Variants in DMD observed in about 807,000 individuals in gnomAD.
DMD encodes the protein mutant dystrophin.
Under a neutral mutation model 330.1 loss-of-function variants are expected in DMD, and 63 were observed. That is an observed-to-expected ratio of 0.19 (90% CI 0.16 to 0.24). The LOEUF (loss-of-function observed/expected upper bound fraction) is 0.24. Among genes scored for constraint, DMD ranks in the 10% least tolerant of loss-of-function variants. The probability of loss-of-function intolerance (pLI) is 1.00; values close to 1 mark genes in which losing one functional copy is unlikely to be tolerated. For missense variants in DMD, 3,344 were observed against 2,684.1 expected (o/e 1.25, Z -5.43); for synonymous variants, 1,223 against 959.8 (o/e 1.27, Z -5.07).
At chrX:32,808,422 T>C (rs1240698955) in intron 7 of DMD, among the ~76,000 whole-genome samples, 1 of 111,845 alleles carries the variant, frequency 8.9e-6, no homozygotes, top group East Asian at 2.8e-4. Context: ...ATTTCCATTT[T>C]TATTTATATA....
At chrX:31,309,156 C>T (rs1009891262) in intron 62 of DMD, among the ~76,000 whole-genome samples, 4 of 111,914 alleles carry the variant, frequency 3.6e-5, no homozygotes, top group South Asian at 3.7e-4. Flanking sequence ...ATATATAATA[C>T]ATGCTAGGGA....
intron 45 of DMD, among the ~76,000 whole-genome samples, chrX:31,935,122 T>C (rs146060876): frequency 0.05 from 5,563 of 111,341 alleles, 111 homozygotes; most frequent in Non-Finnish European, 0.066. Context: ...CAAACATTCA[T>C]TGAAGTGAGA....
At chrX:32,861,582 C>T (rs188241115) in intron 2 of DMD, among the ~76,000 whole-genome samples, 1 of 111,528 alleles carries the variant, frequency 9.0e-6, no homozygotes, top group African/African-American at 3.3e-5. Context: ...GTCACTACTA[C>T]TCTTAGACTC....
At chrX:32,252,661 TAAATATATATATATAAATATATAA>T (rs2097269508) in intron 43 of DMD, among the ~76,000 whole-genome samples, 1 of 48,495 alleles carries the variant, frequency 2.1e-5, no homozygotes, top group Non-Finnish European at 3.0e-5. Flanking sequence ...TACAAATATA[TAAATATATATATATAAATATATAA>T]ATATATATAT....
At chrX:32,583,896 G>A (rs2053935086) in intron 13 of DMD, 1 of 110,664 alleles carries the variant, frequency 9.0e-6, no homozygotes. Flanking sequence ...TTTTAAAGTA[G>A]AGAGTTTTAT....
chrX:32,610,970 T>C (rs1176438110), intron 12 of DMD, among the ~76,000 whole-genome samples: 1 of 111,430 alleles, frequency 9.0e-6, no homozygotes, highest in Non-Finnish European at 1.9e-5. Flanking sequence ...TTATTTTCTT[T>C]TGTTTTATGA....
chrX:31,299,886 G>GCAA, intron 62 of DMD, among the ~76,000 whole-genome samples: 1 of 110,147 alleles, frequency 9.1e-6, no homozygotes, highest in East Asian at 2.8e-4. Flanking sequence ...TAAATACCTT[G>GCAA]ATATTAGATA....
At chrX:32,898,277 A>G (rs1003910014) in intron 2 of DMD, among the ~76,000 whole-genome samples, 5 of 111,817 alleles carry the variant, frequency 4.5e-5, no homozygotes, top group African/African-American at 1.6e-4. Context: ...CTGCCTCTCT[A>G]ATATCTAAAA....
At chrX:31,516,278 C>CAAAAAA (rs72056571) in intron 55 of DMD, among the ~76,000 whole-genome samples, 1 of 51,869 alleles carries the variant, frequency 1.9e-5, no homozygotes, top group Non-Finnish European at 3.7e-5. Context: ...AAAACAAGCG[C>CAAAAAA]AAAAAAAAAA....
chrX:32,558,943 T>TTTTTTTTTTTTTTC (rs1569199541), intron 16 of DMD, among the ~76,000 whole-genome samples: 36 of 36,867 alleles, frequency 9.8e-4, no homozygotes, highest in African/African-American at 3.1e-3. Flanking sequence ...ATTTTCTTTT[T>TTTTTTTTTTTTTTC]TTTTTTTTTT....
At chrX:31,355,236 T>C (rs1219824449) in intron 60 of DMD, among the ~76,000 whole-genome samples, 2 of 112,185 alleles carry the variant, frequency 1.8e-5, no homozygotes, top group African/African-American at 6.5e-5. Flanking sequence ...TTCTGTTAAT[T>C]ACTCTACTTT....
chrX:31,594,856 C>T (rs949170660), intron 55 of DMD, among the ~76,000 whole-genome samples: 2 of 110,752 alleles, frequency 1.8e-5, no homozygotes, highest in Non-Finnish European at 3.8e-5. Flanking sequence ...TGAAACTATA[C>T]CCCCTTTCAC....
chrX:33,222,858 T>C (rs775633279), intron 1 of DMD, among the ~76,000 whole-genome samples: 3 of 112,065 alleles, frequency 2.7e-5, no homozygotes, highest in Non-Finnish European at 5.6e-5. Context: ...TCCATATTCA[T>C]GGATGGGAAG....
Position 32,252,685 on chromosome X carries a change from AAT to A in DMD, c.6290+34842_6290+34843del, listed in dbSNP as rs1370365039. Among the ~76,000 whole-genome samples, 70 of 26,428 alleles carry A rather than the reference AAT, an allele frequency of 2.6e-3. 1 individual carries two copies. Among genetic ancestry groups the A allele is most frequent in the African/African-American group, 7.5e-3 (39 of 5,167 alleles). The allele number at this position is 26,428 out of a possible 115,157, so 22.9% of individuals were successfully genotyped here. A position where few individuals can be genotyped will look rare whatever the true frequency, so the allele number is the denominator to read the frequency against. On this transcript the variant is annotated intron_variant, in intron 43 of 78. Transcript: ENST00000357033. ...ATAAATATATATATATAAATATATA[AAT>A]ATATATATAAATATATATAAATATA...
At chrX:31,141,236 A>ACAACAACAACAACAC (rs201522953) in intron 76 of DMD, among the ~76,000 whole-genome samples, 1 of 111,700 alleles carries the variant, frequency 9.0e-6, no homozygotes, top group African/African-American at 3.3e-5. Context: ...AACAACAACA[A>ACAACAACAACAACAC]AACCAGAATG....
At chrX:31,816,096 C>T (rs1020113659) in intron 50 of DMD, among the ~76,000 whole-genome samples, 1 of 112,407 alleles carries the variant, frequency 8.9e-6, no homozygotes, top group African/African-American at 3.2e-5. Context: ...ACAGAGCAAA[C>T]TTCAGACACA....
intron 48 of DMD, among the ~76,000 whole-genome samples, chrX:31,837,335 T>A (rs761895529): frequency 3.6e-5 from 4 of 111,903 alleles, no homozygotes; most frequent in Non-Finnish European, 7.5e-5. Flanking sequence ...GCTTATTATT[T>A]ATTAATGAGT....
At chrX:32,824,320 G>T (rs557872912) in intron 4 of DMD, among the ~76,000 whole-genome samples, 1 of 111,801 alleles carries the variant, frequency 8.9e-6, no homozygotes, top group Non-Finnish European at 1.9e-5. Context: ...TTCATACTAC[G>T]TTTATTTGTA....
At chrX:32,682,188 C>T (rs2062475233) in intron 9 of DMD, among the ~76,000 whole-genome samples, 1 of 111,709 alleles carries the variant, frequency 9.0e-6, no homozygotes, top group African/African-American at 3.3e-5. Context: ...TCCTTAAGGG[C>T]AATAATATGG....
Sources: allele counts gnomAD v4.1 joint callset (sites outside exome capture counted in the v4.1 genomes callset), GRCh38; gene constraint gnomAD v4.1.1; transcripts MANE v1.5; gene names NCBI Gene and HGNC (gene_info 2026-07-23, HGNC 2026-07-21).